RUFY4: variants seen among roughly 807,000 people sequenced by gnomAD.
RUFY4 encodes RUN and FYVE domain-containing protein 4.
A neutral mutation model predicts 69.0 loss-of-function variants in RUFY4; 73 were observed. That is an observed-to-expected ratio of 1.06 (90% CI 0.88 to 1.29). The LOEUF is 1.29. RUFY4 is among the 50% of genes most tolerant of loss of function. RUFY4 has a pLI of 0.00. For missense variants in RUFY4, 770 were observed against 705.6 expected, an observed-to-expected ratio of 1.09 and a Z score of -1.03; for synonymous variants, 287 against 271.8, an observed-to-expected ratio of 1.06 and a Z score of -0.55.
chr2:218,052,522 T>C (rs1466678172), intron 2 of RUFY4, among the ~76,000 whole-genome samples: 1 of 152,204 alleles, frequency 6.6e-6, no homozygotes, highest in Non-Finnish European at 1.5e-5. Context: ...AGGCTTCCCA[T>C]AAAGACAAGC....
intron 2 of RUFY4, among the ~76,000 whole-genome samples, chr2:218,036,231 C>T (rs1958975359): frequency 6.6e-6 from 1 of 152,358 alleles, no homozygotes; most frequent in East Asian, 1.9e-4. Context: ...ATCATCTTCA[C>T]ACCCTGGCCT....
At chr2:218,047,472 A>G (rs947189254) in intron 2 of RUFY4, among the ~76,000 whole-genome samples, 1 of 152,096 alleles carries the variant, frequency 6.6e-6, no homozygotes, top group Non-Finnish European at 1.5e-5. Context: ...TTAAGACAAA[A>G]TTACTCTCTT....
chr2:218,043,008 A>G (rs1179479927), intron 2 of RUFY4, among the ~76,000 whole-genome samples: 6 of 152,104 alleles, frequency 3.9e-5, no homozygotes, highest in African/African-American at 1.2e-4. Flanking sequence ...GCCTTTGCCC[A>G]AGTTTTGGTC....
At chr2:218,035,495 C>G (rs934042) in intron 2 of RUFY4, 3 of 152,476 alleles carry the variant, frequency 2.0e-5, no homozygotes, top group African/African-American at 7.2e-5. Context: ...AATCCCATGC[C>G]CCAGCCACCT....
At chr2:218,072,238 A>T (rs1228556704) in intron 2 of RUFY4, 136 bp from the exon 5 acceptor site, 1 of 1,044,852 alleles carries the variant, frequency 9.6e-7, no homozygotes, top group Non-Finnish European at 1.4e-6. Context: ...GCCAGTAAGG[A>T]CAGGGCTGGG....
At chr2:218,052,902 CT>C (rs1450018663) in intron 2 of RUFY4, among the ~76,000 whole-genome samples, 1 of 150,964 alleles carries the variant, frequency 6.6e-6, no homozygotes, top group African/African-American at 2.4e-5. Context: ...TATTATCCTT[CT>C]GATTCAATAA....
chr2:218,038,394 T>C (rs1959010984), intron 2 of RUFY4, among the ~76,000 whole-genome samples: 1 of 152,248 alleles, frequency 6.6e-6, no homozygotes, highest in Admixed American at 6.5e-5. Context: ...GAGCTGAGTT[T>C]GCTTTTGCAA....
At chr2:218,070,333 T>C (rs1055350019), upstream of RUFY4, 17 of 509,082 alleles carry the variant, frequency 3.3e-5, no homozygotes, top group African/African-American at 2.9e-4. Context: ...GAGGATTGAA[T>C]GGGACAAGGA....
intron 6 of RUFY4, among the ~76,000 whole-genome samples, chr2:218,074,396 C>T (rs1258281725): frequency 2.6e-5 from 4 of 152,168 alleles, no homozygotes; most frequent in African/African-American, 4.8e-5. Flanking sequence ...TCCAGCACTG[C>T]ACAGGGCTCC....
intron 2 of RUFY4, among the ~76,000 whole-genome samples, chr2:218,043,563 G>A (rs1336340770): frequency 6.6e-6 from 1 of 152,154 alleles, no homozygotes; most frequent in African/African-American, 2.4e-5. Flanking sequence ...GCCCCAGAGA[G>A]GGTAGCTCCT....
intron 8 of RUFY4, among the ~76,000 whole-genome samples, chr2:218,078,998 G>A (rs950395418): frequency 3.9e-5 from 6 of 152,184 alleles, no homozygotes; most frequent in African/African-American, 9.7e-5. Flanking sequence ...CTCCCGAGTA[G>A]CTGGGATTAC....
intron 3 of RUFY4, chr2:218,059,099 T>A (rs1456383290): frequency 6.6e-6 from 1 of 152,260 alleles, no homozygotes. Context: ...TTGCCCCACT[T>A]CTCTGTAGCA....
chr2:218,073,793 C>T, intron 5 of RUFY4, 23 bp from the exon 8 acceptor site: 1 of 1,613,454 alleles, frequency 6.2e-7, no homozygotes, highest in Non-Finnish European at 8.5e-7. Flanking sequence ...GGCCCAGGGT[C>T]CCCCTGCCTC....
At chr2:218,076,280 G>C (rs1420641263) in intron 7 of RUFY4, 147 bp from the exon 10 acceptor site, 1 of 1,352,012 alleles carries the variant, frequency 7.4e-7, no homozygotes, top group Non-Finnish European at 9.7e-7. Context: ...GCCTAGGACA[G>C]AGCCAGGCAT....
At chr2:218,038,242 A>G (rs1959008043) in intron 2 of RUFY4, among the ~76,000 whole-genome samples, 1 of 152,248 alleles carries the variant, frequency 6.6e-6, no homozygotes, top group South Asian at 2.1e-4. Flanking sequence ...TGAATAAAAA[A>G]AAAAGTTTTC....
intron 9 of RUFY4, among the ~76,000 whole-genome samples, chr2:218,088,991 A>C (rs1426603285): frequency 7.0e-6 from 1 of 143,102 alleles, no homozygotes; most frequent in Admixed American, 7.0e-5. Flanking sequence ...CTGAGTAACC[A>C]TCTTTCTCTG....
At chr2:218,062,910 AG>A (rs916036782) in intron 3 of RUFY4, among the ~76,000 whole-genome samples, 2 of 152,148 alleles carry the variant, frequency 1.3e-5, no homozygotes, top group African/African-American at 4.8e-5. Context: ...CAGAGAAAAC[AG>A]GGGCTGCACT....
chr2:218,090,131 C>T, exon 11 of RUFY4: 1 of 825,904 alleles, frequency 1.2e-6, no homozygotes, highest in Non-Finnish European at 1.9e-6. Flanking sequence ...GCCCGTAGCT[C>T]TTCCCAGCCC....
At chr2:218,074,235 T>G (rs1306021007) in intron 6 of RUFY4, among the ~76,000 whole-genome samples, 1 of 152,146 alleles carries the variant, frequency 6.6e-6, no homozygotes, top group East Asian at 1.9e-4. Context: ...ACTGGACAAT[T>G]GACACATGAC....
Sources: gnomAD v4.1 joint callset for allele counts (sites outside exome capture counted in the v4.1 genomes callset) on GRCh38, gnomAD v4.1.1 for gene constraint, MANE v1.5 for transcripts, NCBI Gene and HGNC (gene_info 2026-07-23, HGNC 2026-07-21) for gene names.